ASB2: variants seen among roughly 807,000 people sequenced by gnomAD.
ASB2 encodes ankyrin repeat and SOCS box protein 2.
ASB2 carries 58 observed loss-of-function variants against 62.4 expected under a neutral mutation model. That is an observed-to-expected ratio of 0.93 (90% CI 0.75 to 1.16). The LOEUF is 1.16. ASB2 is among the 50% of genes most tolerant of loss of function. ASB2 has a pLI of 0.00. For missense variants in ASB2, 928 were observed against 887.9 expected (o/e 1.05, Z -0.57); for synonymous variants, 386 against 385.3 (o/e 1.00, Z -0.02).
rs1364120362 is a variant in ASB2, at chr14:93,946,985, C to A, written c.1052+364G>T. Among the ~76,000 whole-genome samples, 3 of 152,316 alleles carry A rather than the reference C, an allele frequency of 2.0e-5. No homozygotes were observed. The East Asian group carries it at 5.8e-4, about 29-fold the overall frequency. ...ACCTGCCGCCTATGAGCTGTGTGAC[C>A]TTGGGCAAGTCACTCAACCTCTCTG... On this transcript the variant is annotated intron_variant, in intron 7 of 9. Coordinates refer to ENST00000555019, the MANE Select transcript of ASB2 (RefSeq NM_001202429.2).
chr14:93,934,681 T>C lies in ASB2; in HGVS notation c.1883A>G (p.Tyr628Cys). The C allele has an allele frequency of 6.2e-7, 1 of 1,614,106 alleles. No individual in the cohort carries two copies. The highest frequency in any genetic ancestry group is 8.5e-7 in the Non-Finnish European group (1 of 1,179,946). Residue 628 changes from tyrosine (Y) to cysteine (C), a missense_variant, in exon 10 of 10, where the codon TAC (tyrosine) becomes TGC (cysteine). Coordinates refer to ENST00000555019, the MANE Select transcript of ASB2 (RefSeq NM_001202429.2). The stretch of plus-strand genomic sequence containing the variant: ...TTACTGGGTGTTCTCGTATTTCAGG[T>C]ATCTAATCAGCCTGCCTGGGAGCGG... ...TLPLPGRLIR[Y>C]LKYENTQ
intron 7 of ASB2, among the ~76,000 whole-genome samples, chr14:93,941,879 G>C (rs887060488): frequency 6.6e-6 from 1 of 152,272 alleles, no homozygotes; most frequent in Non-Finnish European, 1.5e-5. Flanking sequence ...AAGTGAATGT[G>C]TAACGCCGGA....
At chr14:93,940,837 C>T (rs912444882) in intron 7 of ASB2, among the ~76,000 whole-genome samples, 1 of 152,200 alleles carries the variant, frequency 6.6e-6, no homozygotes, top group African/African-American at 2.4e-5. Context: ...GATGAGGAGA[C>T]ATAAGCCCAG....
chr14:93,947,289 C>T (rs1177318614), intron 7 of ASB2, 60 bp downstream of exon 7: 4 of 1,584,248 alleles, frequency 2.5e-6, no homozygotes, highest in Non-Finnish European at 3.5e-6. Flanking sequence ...CCCTCCAATC[C>T]CCTACTCCCA....
Position 93,964,586 on chromosome 14 carries a change from G to A in ASB2, c.-47C>T, listed in dbSNP as rs769497364. ...GCCTCCAGAACAGACACCCAGTGGGGAGGAGGGAACAGCAAATCAGAAAAC... is the reference window on the plus strand; with the variant it reads ...GCCTCCAGAACAGACACCCAGTGGGAAGGAGGGAACAGCAAATCAGAAAAC... On this transcript the variant is annotated 5_prime_UTR_variant, in exon 2 of 10. Coordinates refer to ENST00000555019, the MANE Select transcript of ASB2 (RefSeq NM_001202429.2). 2.6e-6 allele frequency: 4 copies of A among 1,515,296 alleles called. No homozygotes were observed. In the South Asian group the frequency reaches 3.6e-5, roughly 14 times the overall value. The allele number at this position is 1,515,296 out of a possible 1,614,324, so 93.9% of individuals were successfully genotyped here.
intron 4 of ASB2, 101 bp from the exon 5 acceptor site, chr14:93,953,608 A>G: frequency 9.5e-7 from 1 of 1,050,644 alleles, no homozygotes; most frequent in South Asian, 1.8e-5. Context: ...ACAATGTATG[A>G]CATCCTCTGA....
chr14:93,943,291 A>C (rs1888601220), intron 7 of ASB2, among the ~76,000 whole-genome samples: 1 of 152,210 alleles, frequency 6.6e-6, no homozygotes, highest in Non-Finnish European at 1.5e-5. Flanking sequence ...TACCCTAAAC[A>C]CAGAGGCATT....
In ASB2 at chr14:93,944,233, G is replaced by A. The variant is rs1028087157; in HGVS notation, c.1052+3116C>T. 5.6e-5 allele frequency: 15 copies of A among 265,960 alleles called. No homozygotes were observed. The Admixed American group carries it at 6.7e-4, about 12-fold the overall frequency. 16.5% of individuals were successfully genotyped at this position (265,960 alleles called of 1,614,324 possible). A position where few individuals can be genotyped will look rare whatever the true frequency, so the allele number is the denominator to read the frequency against. ...GCTATTCTTGGGGCATCTGCTCTGCGCTAACTCACACAGTTTCTTAATACG... is the reference window on the plus strand; with the variant it reads ...GCTATTCTTGGGGCATCTGCTCTGCACTAACTCACACAGTTTCTTAATACG... On this transcript the variant is annotated intron_variant, in intron 7 of 9. Coordinates refer to ENST00000555019, the MANE Select transcript of ASB2 (RefSeq NM_001202429.2).
chr14:93,957,219 G>A (rs1889258291), intron 2 of ASB2: 1 of 1,253,044 alleles, frequency 8.0e-7, no homozygotes, highest in African/African-American at 1.5e-5. Context: ...TGTGAGCCGT[G>A]GTCGGCAGGT....
chr14:93,974,471 C>T (rs1007429126), intron 1 of ASB2, among the ~76,000 whole-genome samples: 6 of 152,212 alleles, frequency 3.9e-5, no homozygotes, highest in Non-Finnish European at 1.5e-5. Flanking sequence ...CTGGGCAGGC[C>T]CAGAGATATT....
chr14:93,939,329 T>TCG lies in ASB2; in HGVS notation c.1394_1395dup (p.Asn466ArgfsTer22). On this transcript the variant is annotated frameshift_variant, in exon 8 of 10. Coordinates refer to ENST00000555019, the MANE Select transcript of ASB2 (RefSeq NM_001202429.2). LOFTEE classifies it high-confidence loss of function. Reference sequence around the variant, plus strand: ...TGCGTGGCGATATAGGCGTCGATGTTCGCGCCGTGGTCCAGCAGCAGCTGC... The same window carrying TCG: ...TGCGTGGCGATATAGGCGTCGATGTTCGCGCGCCGTGGTCCAGCAGCAGCTGC... The TCG allele has an allele frequency of 6.2e-7, 1 of 1,610,810 alleles. No homozygotes were observed.
chr14:93,953,320 C>T, intron 5 of ASB2, 32 bp downstream of exon 5: 1 of 1,510,908 alleles, frequency 6.6e-7, no homozygotes, highest in Non-Finnish European at 9.0e-7. Flanking sequence ...GATTCTTCCG[C>T]AGGAAAGCTC....
chr14:93,949,060 G>C (rs1401166937), intron 6 of ASB2, among the ~76,000 whole-genome samples: 1 of 152,224 alleles, frequency 6.6e-6, no homozygotes, highest in Non-Finnish European at 1.5e-5. Context: ...TCCTCGGGCA[G>C]GGGGTGAGGG....
intron 7 of ASB2, chr14:93,941,638 C>T (rs762680391): frequency 4.2e-5 from 19 of 455,780 alleles, no homozygotes; most frequent in Admixed American, 9.4e-5. Context: ...ATGGCGGCCA[C>T]GGCCAACAAA....
intron 6 of ASB2, 91 bp downstream of exon 6, chr14:93,950,908 C>T: frequency 7.0e-7 from 1 of 1,420,262 alleles, no homozygotes; most frequent in Non-Finnish European, 9.6e-7. Flanking sequence ...ACAAGATGAC[C>T]CCTAACTCGC....
At chr14:93,954,507 G>A (rs1374908921) in intron 3 of ASB2, 24 bp from the exon 4 acceptor site, 4 of 1,612,510 alleles carry the variant, frequency 2.5e-6, no homozygotes, top group South Asian at 1.1e-5. Context: ...GAGTGGGTCA[G>A]TCCTCAAGGT....
At chr14:93,966,602 T>C (rs1889599351) in intron 1 of ASB2, among the ~76,000 whole-genome samples, 1 of 152,250 alleles carries the variant, frequency 6.6e-6, no homozygotes, top group African/African-American at 2.4e-5. Context: ...CTTCATTATG[T>C]TGCAGAACTG....
At chr14:93,962,206 C>T (rs1475933888) in intron 2 of ASB2, among the ~76,000 whole-genome samples, 1 of 109,336 alleles carries the variant, frequency 9.1e-6, no homozygotes, top group Non-Finnish European at 1.9e-5. Context: ...GCTCCGCCTC[C>T]CGGGTTCACA....
intron 2 of ASB2, among the ~76,000 whole-genome samples, chr14:93,963,183 A>T (rs533172810): frequency 6.6e-6 from 1 of 152,250 alleles, no homozygotes; most frequent in South Asian, 2.1e-4. Flanking sequence ...GTGACTGCAC[A>T]TCGGAAAAAG....
Sources: allele counts gnomAD v4.1 joint callset (sites outside exome capture counted in the v4.1 genomes callset), GRCh38; gene constraint gnomAD v4.1.1; transcripts MANE v1.5; gene names NCBI Gene and HGNC (gene_info 2026-07-23, HGNC 2026-07-21).